CFAP54: variants seen among roughly 807,000 people sequenced by gnomAD.
The protein encoded by CFAP54 is cilia and flagella associated protein 54, also known as cilia- and flagella-associated protein 54.
Under a neutral mutation model 370.4 loss-of-function variants are expected in CFAP54, and 290 were observed. The observed-to-expected ratio is 0.78, with a 90% CI of 0.71 to 0.86. The LOEUF (loss-of-function observed/expected upper bound fraction) is 0.86, where lower values mean the gene tolerates loss of function less well. CFAP54 is among the 40% of genes least tolerant of loss of function. The pLI, the probability that CFAP54 is intolerant of heterozygous loss-of-function variation, is 0.00. For missense variants in CFAP54, 3,399 were observed against 3,528.7 expected, an observed-to-expected ratio of 0.96 and a Z score of 0.93; for synonymous variants, 1,206 against 1,236.5, an observed-to-expected ratio of 0.98 and a Z score of 0.52.
At chr12:96,641,323 A>G (rs1181478221) in intron 32 of CFAP54, among the ~76,000 whole-genome samples, 1 of 152,278 alleles carries the variant, frequency 6.6e-6, no homozygotes, top group African/African-American at 2.4e-5. Flanking sequence ...AGACACATGA[A>G]AAAATGCTCA....
Position 96,549,064 on chromosome 12 carries a change from C to T in CFAP54, c.2154+1086C>T, listed in dbSNP as rs1427295841. ...GGAGGTGGGGTTTCACCATGTTAGC[C>T]AGGATGGTCTCGATCTCCTGACCTC... On this transcript the variant is annotated intron_variant, in intron 15 of 67. Transcript: ENST00000524981. Among the ~76,000 whole-genome samples the T allele has an allele frequency of 4.6e-5, 7 of 152,274 alleles. No individual in the cohort carries two copies. The East Asian group carries it at 1.2e-3, about 25-fold the overall frequency.
intron 63 of CFAP54, among the ~76,000 whole-genome samples, chr12:96,809,464 A>G (rs1012728499): frequency 2.6e-5 from 4 of 151,888 alleles, no homozygotes; most frequent in Admixed American, 2.0e-4. Flanking sequence ...TTTATTTTTA[A>G]GTAGTCTTCC....
chr12:96,534,255 A>C lies in CFAP54; in HGVS notation c.1705+28A>C, dbSNP rs750545127. The C allele has an allele frequency of 1.0e-5, 13 of 1,301,198 alleles. No homozygotes were observed. The South Asian group carries it at 1.6e-4, about 16-fold the overall frequency. 80.6% of individuals were successfully genotyped at this position (1,301,198 alleles called of 1,614,324 possible). A position where few individuals can be genotyped will look rare whatever the true frequency, so the allele number is the denominator to read the frequency against. On this transcript the variant is annotated intron_variant, in intron 11 of 67. Transcript: ENST00000524981. ...AAGTATTTATTTGTTTGTTCAAAAA[A>C]TTTAGTTTGACGAAATATGCTCTTT...
intron 15 of CFAP54, among the ~76,000 whole-genome samples, chr12:96,551,110 A>G (rs1230180636): frequency 2.6e-5 from 4 of 152,234 alleles, no homozygotes; most frequent in Non-Finnish European, 4.4e-5. Context: ...CTCTGCAAAA[A>G]AAATACAAAA....
rs935563129 is a variant in CFAP54, at chr12:96,613,032, C to T, written c.3640-8558C>T. 2.6e-5 allele frequency among the ~76,000 whole-genome samples: 4 copies of T among 152,186 alleles called. No homozygotes were observed. The East Asian group carries it at 7.7e-4, about 29-fold the overall frequency. On this transcript the variant is annotated intron_variant, in intron 26 of 67. Coordinates refer to ENST00000524981, the MANE Select transcript of CFAP54 (RefSeq NM_001306084.2). ...TGCACCAGGCAGACCTAATAGACAT[C>T]TACAGAACTCTCCACCCCAAATCAA... is the stretch of plus-strand genomic sequence containing the variant.
chr12:96,617,249 A>G (rs1000056564), intron 26 of CFAP54, among the ~76,000 whole-genome samples: 2 of 152,202 alleles, frequency 1.3e-5, no homozygotes, highest in African/African-American at 2.4e-5. Context: ...CCTTTATATA[A>G]CAGGACCTAT....
At chr12:96,851,109 AT>A (rs964359999) in intron 66 of CFAP54, among the ~76,000 whole-genome samples, 31 of 150,134 alleles carry the variant, frequency 2.1e-4, no homozygotes, top group Admixed American at 8.0e-4. Flanking sequence ...TGTAAATTTT[AT>A]TTTTTTTTTA....
At chr12:96,845,386 T>C (rs774871539) in intron 66 of CFAP54, among the ~76,000 whole-genome samples, 7 of 152,240 alleles carry the variant, frequency 4.6e-5, no homozygotes, top group African/African-American at 1.7e-4. Context: ...CCCTTCAGGA[T>C]TGAAAACTTC....
chr12:96,564,723 C>A lies in CFAP54; in HGVS notation c.2577C>A (p.Phe859Leu). ...TAATGCAGAAAGCTCTTTTAATATT[C>A]GAGAAAGATGCAACTTCTACATCTT... ...IYLMQKALLIFEKDATSTSSW... is the reference protein window; with the variant it reads ...IYLMQKALLILEKDATSTSSW... The change falls in exon 19 of 68, where the codon TTC (phenylalanine) becomes TTA (leucine). Residue 859 changes from phenylalanine (F) to leucine (L), a missense_variant. Physicochemically the swap from Phe to Leu is conservative, Grantham distance 22. Around this residue, in one of 3 missense-constraint regions of CFAP54, gnomAD observed 2,796 missense variants for 2,869.7 expected, o/e 0.97. Transcript: ENST00000524981. 2 of 629,084 alleles carry A rather than the reference C, an allele frequency of 3.2e-6. No individual in the cohort carries two copies. Among genetic ancestry groups the A allele is most frequent in the Non-Finnish European group, 5.6e-6 (2 of 357,656 alleles). 39.0% of individuals were successfully genotyped at this position (629,084 alleles called of 1,614,324 possible). A position where few individuals can be genotyped will look rare whatever the true frequency, so the allele number is the denominator to read the frequency against.
rs112208170 is a variant in CFAP54 at position 96,681,195 on chromosome 12, C to T, written c.5716+1443C>T. Among the ~76,000 whole-genome samples, 557 of 152,142 alleles carry T rather than the reference C, an allele frequency of 3.7e-3. 8 individuals are homozygous for T. Among genetic ancestry groups the T allele is most frequent in the African/African-American group, 0.013 (536 of 41,534 alleles). On this transcript the variant is annotated intron_variant, in intron 40 of 67. Coordinates refer to ENST00000524981, the MANE Select transcript of CFAP54 (RefSeq NM_001306084.2). ...AATTCCTAGGAATGGTTTATACCAA[C>T]TCGCTCTGAATCTCACCTGGTACCA...
chr12:96,519,352 GCTT>G (rs1468215478), intron 6 of CFAP54, among the ~76,000 whole-genome samples: 1 of 152,070 alleles, frequency 6.6e-6, no homozygotes, highest in African/African-American at 2.4e-5. Context: ...GCCTGCTTTG[GCTT>G]CTCAAAATGC....
intron 20 of CFAP54, among the ~76,000 whole-genome samples, chr12:96,576,963 C>T (rs1955984913): frequency 6.6e-6 from 1 of 152,136 alleles, no homozygotes. Context: ...TTATGATATG[C>T]TCTGTATTGC....
intron 36 of CFAP54, among the ~76,000 whole-genome samples, chr12:96,656,667 C>T (rs1408934087): frequency 1.3e-5 from 2 of 152,222 alleles, no homozygotes; most frequent in African/African-American, 2.4e-5. Context: ...AGGCATGAGC[C>T]ACCATGCCTG....
At chr12:96,651,476 T>A (rs1039338241) in intron 35 of CFAP54, 112 bp from the exon 36 acceptor site, 21 of 801,822 alleles carry the variant, frequency 2.6e-5, no homozygotes, top group Admixed American at 7.7e-5. Context: ...CCCTAACAAA[T>A]GATGTTAGTT....
At chr12:96,506,871 G>T (rs1269432784) in intron 3 of CFAP54, 57 bp from the exon 4 acceptor site, 2 of 1,438,730 alleles carry the variant, frequency 1.4e-6, no homozygotes, top group Non-Finnish European at 1.8e-6. Context: ...ACAGGTGTGA[G>T]CTACTGTTCC....
intron 19 of CFAP54, among the ~76,000 whole-genome samples, chr12:96,567,130 C>T (rs1343378470): frequency 3.9e-5 from 6 of 152,008 alleles, no homozygotes; most frequent in South Asian, 2.1e-4. Context: ...GAAACAGGAG[C>T]GCAAACAGTA....
At chr12:96,631,178 T>C (rs889061554) in intron 32 of CFAP54, among the ~76,000 whole-genome samples, 10 of 151,984 alleles carry the variant, frequency 6.6e-5, no homozygotes, top group African/African-American at 1.9e-4. Context: ...TGTTTTTATT[T>C]GCATTTGCCT....
chr12:96,493,157 A>G (rs1278260932), intron 1 of CFAP54, among the ~76,000 whole-genome samples: 1 of 152,230 alleles, frequency 6.6e-6, no homozygotes, highest in Admixed American at 6.5e-5. Context: ...TAACAGTCCA[A>G]CCTCTCACAC....
In CFAP54 at chr12:96,581,023, G is replaced by T; in HGVS notation, c.2993G>T (p.Gly998Val). Reference protein sequence around the residue: ...AAYSNNGKLVGGAIGETTKPI... With the variant: ...AAYSNNGKLVVGAIGETTKPI... ...TATTCTAACAACGGAAAGCTTGTCG[G>T]TGGTGCTATTGGGGAGACAACTAAA... The change falls in exon 22 of 68, where the codon GGT (glycine) becomes GTT (valine). Residue 998 changes from glycine to valine, a missense_variant. Physicochemically the swap from Gly to Val is moderately radical, Grantham distance 109. This residue lies in a region of CFAP54 where 2,796 missense variants were observed against 2,869.7 expected (regional missense o/e 0.97). Coordinates refer to ENST00000524981, the MANE Select transcript of CFAP54 (RefSeq NM_001306084.2). The T allele has an allele frequency of 6.5e-7, 1 of 1,534,276 alleles. No individual in the cohort carries two copies. Among genetic ancestry groups the T allele is most frequent in the Non-Finnish European group, 8.7e-7 (1 of 1,145,752 alleles).
Sources: gnomAD v4.1 joint callset for allele counts (sites outside exome capture counted in the v4.1 genomes callset) on GRCh38, gnomAD v4.1.1 for gene constraint, gnomAD v4.1.1 regional missense constraint, MANE v1.5 for transcripts, NCBI Gene and HGNC (gene_info 2026-07-23, HGNC 2026-07-21) for gene names.